The following DPP10 variants were observed in gnomAD, a reference collection of about 807,000 sequenced individuals.
DPP10 encodes dipeptidyl peptidase like 10.
In DPP10, 33 loss-of-function variants were observed where a neutral mutation model predicts 120.9. The ratio of observed to expected loss-of-function variants is 0.27; its 90% CI spans 0.21 to 0.37. DPP10 has a LOEUF of 0.37. Ranked by LOEUF, DPP10 falls within the 10% of genes least tolerant of loss-of-function variation. The probability of loss-of-function intolerance (pLI) is 1.00; values close to 1 mark genes in which losing one functional copy is unlikely to be tolerated. For synonymous variants in DPP10, 337 were observed against 326.1 expected, an observed-to-expected ratio of 1.03 and a Z score of -0.36; for missense variants, 816 against 942.8, an observed-to-expected ratio of 0.87 and a Z score of 1.76.
At chr2:114,463,761 C>T (rs758274894) in intron 1 of DPP10, among the ~76,000 whole-genome samples, 5 of 152,178 alleles carry the variant, frequency 3.3e-5, no homozygotes, top group African/African-American at 4.8e-5. Flanking sequence ...GGAATACTCT[C>T]GCCACCCTAA....
intron 1 of DPP10, among the ~76,000 whole-genome samples, chr2:115,000,772 C>G (rs1701387614): frequency 6.6e-6 from 1 of 152,056 alleles, no homozygotes; most frequent in East Asian, 1.9e-4. Context: ...ATTTCCTACC[C>G]ATATGTTGAA....
At chr2:115,060,036 A>G (rs1706271956) in intron 1 of DPP10, among the ~76,000 whole-genome samples, 1 of 152,074 alleles carries the variant, frequency 6.6e-6, no homozygotes, top group Non-Finnish European at 1.5e-5. Context: ...GTAATTTACT[A>G]ACAATTATTT....
chr2:114,871,661 G>A (rs1321908971), intron 1 of DPP10, among the ~76,000 whole-genome samples: 1 of 151,978 alleles, frequency 6.6e-6, no homozygotes, highest in East Asian at 1.9e-4. Flanking sequence ...TTTTAGATTC[G>A]AGGGGGTACA....
chr2:115,571,289 A>T (rs2149090242), intron 5 of DPP10, among the ~76,000 whole-genome samples: 1 of 152,140 alleles, frequency 6.6e-6, no homozygotes, highest in African/African-American at 2.4e-5. Context: ...ACCTGGGTAT[A>T]TTGCATGATG....
chr2:114,463,509 C>T (rs2104576527), intron 1 of DPP10: 1 of 152,266 alleles, frequency 6.6e-6, no homozygotes, highest in South Asian at 2.1e-4. Flanking sequence ...TTATCTTCTA[C>T]TTTCCAATAA....
intron 3 of DPP10, among the ~76,000 whole-genome samples, chr2:115,458,830 ATTAC>A (rs1179012459): frequency 1.3e-5 from 2 of 152,190 alleles, no homozygotes; most frequent in Admixed American, 1.3e-4. Context: ...ACTTATGCAC[ATTAC>A]TTATATACGT....
chr2:115,152,728 C>G (rs1217829772), intron 1 of DPP10, among the ~76,000 whole-genome samples: 1 of 152,078 alleles, frequency 6.6e-6, no homozygotes, highest in Non-Finnish European at 1.5e-5. Context: ...GGAAAGATGC[C>G]TGGAAGTTTG....
At chr2:114,730,668 A>G (rs1005552338) in intron 1 of DPP10, among the ~76,000 whole-genome samples, 6 of 152,106 alleles carry the variant, frequency 3.9e-5, no homozygotes, top group Non-Finnish European at 8.8e-5. Context: ...ATCTTGGCTC[A>G]CTGCAACCTC....
chr2:115,119,924 G>A (rs182743771), intron 1 of DPP10, among the ~76,000 whole-genome samples: 6 of 152,320 alleles, frequency 3.9e-5, no homozygotes, highest in African/African-American at 1.2e-4. Flanking sequence ...AATTTAGCCA[G>A]TTCTGAGTGT....
chr2:114,722,731 G>A (rs1701778925), intron 1 of DPP10, among the ~76,000 whole-genome samples: 3 of 123,948 alleles, frequency 2.4e-5, no homozygotes, highest in Non-Finnish European at 4.7e-5. Context: ...AGCAGAGATT[G>A]AGCCACCGCA....
chr2:114,649,275 C>A (rs1424534737), intron 1 of DPP10, among the ~76,000 whole-genome samples: 1 of 152,120 alleles, frequency 6.6e-6, no homozygotes, highest in East Asian at 1.9e-4. Flanking sequence ...CCAGAAAAAT[C>A]TTAAAATTAC....
chr2:114,848,931 A>T (rs2106478603), intron 1 of DPP10, among the ~76,000 whole-genome samples: 1 of 152,286 alleles, frequency 6.6e-6, no homozygotes, highest in East Asian at 1.9e-4. Context: ...TATCTGATAC[A>T]AGATGACTTC....
chr2:115,524,129 A>G (rs1346855380), intron 4 of DPP10, among the ~76,000 whole-genome samples: 2 of 152,154 alleles, frequency 1.3e-5, no homozygotes, highest in East Asian at 1.9e-4. Flanking sequence ...TGAGTGCTCT[A>G]CAATTCAATT....
chr2:115,509,571 A>G (rs1203110510), intron 4 of DPP10, among the ~76,000 whole-genome samples: 1 of 152,102 alleles, frequency 6.6e-6, no homozygotes, highest in Non-Finnish European at 1.5e-5. Context: ...TGAACCTTTA[A>G]GTTAAAAATA....
At chr2:115,583,932 C>A (rs1338967787) in intron 5 of DPP10, among the ~76,000 whole-genome samples, 1 of 152,034 alleles carries the variant, frequency 6.6e-6, no homozygotes, top group Non-Finnish European at 1.5e-5. Context: ...AGGAGGATTT[C>A]CCTAGGCAAA....
At chr2:115,283,378 G>A (rs2060238149) in intron 1 of DPP10, among the ~76,000 whole-genome samples, 1 of 151,970 alleles carries the variant, frequency 6.6e-6, no homozygotes, top group Admixed American at 6.6e-5. Context: ...TAGCACTTGG[G>A]AAATGATGTC....
chr2:115,652,417 G>A (rs35101248), intron 5 of DPP10, among the ~76,000 whole-genome samples: 51,794 of 150,710 alleles, frequency 0.34, 10,695 homozygotes, highest in Non-Finnish European at 0.47. Context: ...ATATGTGTGT[G>A]TGTGTGTGTG....
chr2:114,799,735 T>C (rs1227319594), intron 1 of DPP10, among the ~76,000 whole-genome samples: 1 of 152,170 alleles, frequency 6.6e-6, no homozygotes, highest in Admixed American at 6.5e-5. Context: ...CTACTCACTT[T>C]GAGTTGGATG....
At chr2:115,511,024 G>C (rs1558777558) in intron 4 of DPP10, among the ~76,000 whole-genome samples, 1 of 152,048 alleles carries the variant, frequency 6.6e-6, no homozygotes, top group Admixed American at 6.6e-5. Context: ...AGTAGTCCAG[G>C]CTCTTTATAC....
Sources: allele counts gnomAD v4.1 joint callset (sites outside exome capture counted in the v4.1 genomes callset), GRCh38; gene constraint gnomAD v4.1.1; transcripts MANE v1.5; gene names NCBI Gene and HGNC (gene_info 2026-07-23, HGNC 2026-07-21).